The following RERG variants were observed in gnomAD, a reference collection of about 807,000 sequenced individuals.
The protein encoded by RERG is ras-related and estrogen-regulated growth inhibitor.
RERG carries 25 observed loss-of-function variants against 23.2 expected under a neutral mutation model. That is an observed-to-expected ratio of 1.08 (90% confidence interval 0.79 to 1.50). The LOEUF (loss-of-function observed/expected upper bound fraction) is 1.50. Among genes scored for constraint, RERG ranks in the 40% most tolerant of loss-of-function variants. RERG has a pLI of 0.00. For missense variants in RERG, 253 were observed against 250.1 expected (o/e 1.01, Z -0.08); for synonymous variants, 81 against 89.1 (o/e 0.91, Z 0.51).
chr12:15,110,119 G>A (rs563303934), intron 4 of RERG, among the ~76,000 whole-genome samples: 17 of 152,040 alleles, frequency 1.1e-4, no homozygotes, highest in Admixed American at 1.1e-3. Flanking sequence ...CCAAAATGTC[G>A]TGTAGTACCA....
chr12:15,200,361 T>C (rs1865199193), intron 2 of RERG, among the ~76,000 whole-genome samples: 1 of 152,040 alleles, frequency 6.6e-6, no homozygotes, highest in African/African-American at 2.4e-5. Flanking sequence ...GTGCCAATCA[T>C]TCATCCAAAA....
At chr12:15,211,968 A>G (rs534004885) in intron 2 of RERG, among the ~76,000 whole-genome samples, 34 of 151,544 alleles carry the variant, frequency 2.2e-4, no homozygotes, top group African/African-American at 7.3e-4. Context: ...TGGTATGCAC[A>G]GCCGAGGCTA....
chr12:15,195,128 C>A (rs530858605), intron 2 of RERG, among the ~76,000 whole-genome samples: 12 of 152,168 alleles, frequency 7.9e-5, no homozygotes, highest in Admixed American at 4.6e-4. Context: ...TCATTATAGT[C>A]ATGGCTAATG....
chr12:15,128,194 G>A (rs560133262), intron 2 of RERG, among the ~76,000 whole-genome samples: 1 of 152,246 alleles, frequency 6.6e-6, no homozygotes, highest in African/African-American at 2.4e-5. Context: ...TTCTTCCTTA[G>A]TGGAGAAAAT....
At chr12:15,216,235 T>C (rs1865439082) in intron 2 of RERG, among the ~76,000 whole-genome samples, 1 of 152,234 alleles carries the variant, frequency 6.6e-6, no homozygotes, top group African/African-American at 2.4e-5. Context: ...TTTAACTATC[T>C]TCAATCTTGT....
intron 2 of RERG, among the ~76,000 whole-genome samples, chr12:15,209,801 T>C (rs1312690336): frequency 6.6e-6 from 1 of 152,182 alleles, no homozygotes; most frequent in African/African-American, 2.4e-5. Context: ...TGATACAAAA[T>C]GAAAACCTTT....
intron 2 of RERG, among the ~76,000 whole-genome samples, chr12:15,131,383 CTT>C (rs1369080026): frequency 2.0e-5 from 3 of 152,002 alleles, no homozygotes; most frequent in Non-Finnish European, 2.9e-5. Flanking sequence ...AATTTAATAA[CTT>C]ATATTTCATT....
At chr12:15,161,173 A>AGAAAGAAAGAAAGAAG (rs1864603461) in intron 2 of RERG, among the ~76,000 whole-genome samples, 1 of 144,868 alleles carries the variant, frequency 6.9e-6, no homozygotes, top group African/African-American at 2.5e-5. Context: ...AAAGAAAGAA[A>AGAAAGAAAGAAAGAAG]GAAAGAAAGA....
At chr12:15,161,194 G>GAAAGAAAGAA (rs1864606022) in intron 2 of RERG, among the ~76,000 whole-genome samples, 1 of 146,062 alleles carries the variant, frequency 6.8e-6, no homozygotes, top group Non-Finnish European at 1.5e-5. Flanking sequence ...AAGAAAGAAA[G>GAAAGAAAGAA]AAAGAAAGAA....
chr12:15,198,962 C>T (rs936829310), intron 2 of RERG, among the ~76,000 whole-genome samples: 2 of 152,144 alleles, frequency 1.3e-5, no homozygotes, highest in African/African-American at 4.8e-5. Flanking sequence ...TCTGCAAAGT[C>T]CCTCTTGCCA....
chr12:15,175,474 G>A (rs1047956531), intron 2 of RERG, among the ~76,000 whole-genome samples: 1 of 150,684 alleles, frequency 6.6e-6, no homozygotes, highest in Non-Finnish European at 1.5e-5. Context: ...TTCAAGATCA[G>A]CCAAAGACTA....
At chr12:15,195,107 C>T (rs1206665962) in intron 2 of RERG, among the ~76,000 whole-genome samples, 2 of 151,924 alleles carry the variant, frequency 1.3e-5, no homozygotes, top group Admixed American at 1.3e-4. Context: ...TGAATAAAGC[C>T]CTTCTGAACA....
chr12:15,182,581 A>G (rs1168135221), intron 2 of RERG, among the ~76,000 whole-genome samples: 1 of 152,184 alleles, frequency 6.6e-6, no homozygotes, highest in African/African-American at 2.4e-5. Flanking sequence ...AAACATTTCT[A>G]TAATTCTAAA....
intron 2 of RERG, among the ~76,000 whole-genome samples, chr12:15,186,781 T>C (rs1864998990): frequency 6.6e-6 from 1 of 152,146 alleles, no homozygotes; most frequent in South Asian, 2.1e-4. Context: ...CATTTAATTA[T>C]ACAGTGACAG....
intron 2 of RERG, among the ~76,000 whole-genome samples, chr12:15,182,089 G>A (rs192309546): frequency 2.9e-5 from 4 of 137,592 alleles, no homozygotes; most frequent in African/African-American, 1.1e-4. Context: ...ATGGAGTTTC[G>A]CTGTTGTTGC....
Position 15,108,907 on chromosome 12 carries a change from C to T in RERG, c.*203G>A, listed in dbSNP as rs1474785605. On this transcript the variant is annotated 3_prime_UTR_variant, in exon 5 of 5. Coordinates refer to ENST00000256953, the MANE Select transcript of RERG (RefSeq NM_032918.3). Reference sequence around the variant, plus strand: ...AAATGCCATTAGAGTGTATCTTATTCAAGCAGGAAAGGAAGAAATTGTTAG... The same window carrying T: ...AAATGCCATTAGAGTGTATCTTATTTAAGCAGGAAAGGAAGAAATTGTTAG... The T allele has an allele frequency of 1.9e-6, 1 of 531,582 alleles. No homozygotes were observed. The highest frequency in any genetic ancestry group is 3.3e-6 in the Non-Finnish European group (1 of 305,208). The allele number at this position is 531,582 out of a possible 1,614,324, so 32.9% of individuals were successfully genotyped here.
At chr12:15,140,971 GTTA>G (rs1565516459) in intron 2 of RERG, among the ~76,000 whole-genome samples, 1 of 152,018 alleles carries the variant, frequency 6.6e-6, no homozygotes, top group Non-Finnish European at 1.5e-5. Context: ...AATATTCTAA[GTTA>G]TTATTTCAAA....
chr12:15,207,432 C>T (rs958213311), intron 2 of RERG, among the ~76,000 whole-genome samples: 1 of 152,136 alleles, frequency 6.6e-6, no homozygotes, highest in African/African-American at 2.4e-5. Context: ...CAATGGCATA[C>T]GTTAAAAACA....
chr12:15,191,267 G>T (rs1865067213), intron 2 of RERG, among the ~76,000 whole-genome samples: 1 of 152,152 alleles, frequency 6.6e-6, no homozygotes, highest in Non-Finnish European at 1.5e-5. Context: ...AATTCTAGAT[G>T]TAGAATTGAA....
Sources: allele counts gnomAD v4.1 joint callset (sites outside exome capture counted in the v4.1 genomes callset), GRCh38; gene constraint gnomAD v4.1.1; transcripts MANE v1.5; gene names NCBI Gene and HGNC (gene_info 2026-07-23, HGNC 2026-07-21).